The following CACNA1F variants were observed in gnomAD, a reference collection of about 807,000 sequenced individuals.
CACNA1F encodes voltage-dependent L-type calcium channel subunit alpha-1F.
Under a neutral mutation model 143.8 loss-of-function variants are expected in CACNA1F, and 59 were observed. That is an observed-to-expected ratio of 0.41 (90% CI 0.33 to 0.51). CACNA1F has a LOEUF of 0.51. Among genes scored for constraint, CACNA1F ranks in the 20% least tolerant of loss-of-function variants. The probability of loss-of-function intolerance (pLI) is 0.22; values close to 1 mark genes in which losing one functional copy is unlikely to be tolerated. For missense variants in CACNA1F, 1,411 were observed against 1,647.5 expected (o/e 0.86, Z 2.48); for synonymous variants, 643 against 649.1 (o/e 0.99, Z 0.14).
chrX:49,217,099 C>T (rs1404018624), intron 26 of CACNA1F, among the ~76,000 whole-genome samples: 1 of 111,556 alleles, frequency 9.0e-6, no homozygotes, highest in Non-Finnish European at 1.9e-5. Flanking sequence ...GCTGGGATTA[C>T]AGGTGCACAA....
chrX:49,213,636 G>C (rs1233101442), intron 31 of CACNA1F, among the ~76,000 whole-genome samples, 183 bp downstream of exon 31: 8 of 111,745 alleles, frequency 7.2e-5, no homozygotes, highest in Non-Finnish European at 7.5e-5. Context: ...AAAGCCAGTA[G>C]AGGGGGACTT....
chrX:49,208,630 G>C lies in CACNA1F; in HGVS notation c.5008C>G (p.Leu1670Val). ...ARRGSGISVSLPVGDRLPDSL... is the reference protein window; with the variant it reads ...ARRGSGISVSVPVGDRLPDSL... Reference sequence around the variant, plus strand: ...TCTGGAAGTCTGTCCCCGACAGGCAGAGACACAGAAATCCCGGAGCCCCGG... The same window carrying C: ...TCTGGAAGTCTGTCCCCGACAGGCACAGACACAGAAATCCCGGAGCCCCGG... Residue 1670 changes from leucine (L) to valine (V), a missense_variant, in exon 43 of 48, where the codon CTG (leucine) becomes GTG (valine). Around this residue, in one of 3 missense-constraint regions of CACNA1F, gnomAD observed 349 missense variants for 350.2 expected, o/e 1.00. Transcript: ENST00000323022. 8.3e-7 allele frequency: 1 copy of C among 1,211,168 alleles called. No homozygotes were observed. Among genetic ancestry groups the C allele is most frequent in the Non-Finnish European group, 1.1e-6 (1 of 895,222 alleles).
chrX:49,227,684 T>C (rs1340844582), intron 8 of CACNA1F, among the ~76,000 whole-genome samples: 1 of 112,454 alleles, frequency 8.9e-6, no homozygotes, highest in Non-Finnish European at 1.9e-5. Flanking sequence ...GACATCCCTA[T>C]TTATAATCAC....
intron 37 of CACNA1F, 127 bp from the exon 38 acceptor site, chrX:49,210,813 C>T: frequency 1.2e-6 from 1 of 843,333 alleles, no homozygotes; most frequent in Non-Finnish European, 1.7e-6. Flanking sequence ...AACTGGAGGG[C>T]AGTCAGAGAG....
At chrX:49,208,784 C>T (rs1557105535) in intron 42 of CACNA1F, 100 bp from the exon 43 acceptor site, 10 of 657,847 alleles carry the variant, frequency 1.5e-5, no homozygotes, top group Non-Finnish European at 2.5e-5. Flanking sequence ...GTGGGCCTTG[C>T]CCTCCAACAG....
intron 6 of CACNA1F, among the ~76,000 whole-genome samples, chrX:49,229,875 C>T (rs1415779225): frequency 2.7e-5 from 3 of 111,108 alleles, no homozygotes; most frequent in Admixed American, 1.9e-4. Context: ...TGGTCTCGAT[C>T]TCCTGACCTC....
At position 49,228,092 on chromosome X, in the gene CACNA1F, G is replaced by GC; in HGVS notation, c.1061dup (p.Ser354ArgfsTer70). 1 of 1,210,899 alleles carries GC rather than the reference G, an allele frequency of 8.3e-7. No individual in the cohort carries two copies. The highest frequency in any genetic ancestry group is 1.1e-6 in the Non-Finnish European group (1 of 894,743). ...CGAAGAAGGACCCAAAGATGACAAG[G>GC]CTCACAAAGTACACCCAGGGCAGTT... On this transcript the variant is annotated frameshift_variant, in exon 8 of 48. Coordinates refer to ENST00000323022, the MANE Select transcript of CACNA1F (RefSeq NM_001256789.3). LOFTEE classifies it high-confidence loss of function.
chrX:49,211,496 A>G lies in CACNA1F; in HGVS notation c.4101-15T>C. 1.7e-6 allele frequency: 2 copies of G among 1,198,471 alleles called. No homozygotes were observed. The highest frequency in any genetic ancestry group is 2.3e-6 in the Non-Finnish European group (2 of 883,354). On this transcript the variant is annotated splice_polypyrimidine_tract_variant and intron_variant, in intron 35 of 47. Coordinates refer to ENST00000323022, the MANE Select transcript of CACNA1F (RefSeq NM_001256789.3). ...CAGTGGCACACCTGGTGGGAGTCAC[A>G]CAGGGGTAGCATCCTGAAGGGGAGG...
At chrX:49,217,479 AC>A (rs1467705542) in intron 26 of CACNA1F, among the ~76,000 whole-genome samples, 1 of 110,890 alleles carries the variant, frequency 9.0e-6, no homozygotes, top group African/African-American at 3.3e-5. Flanking sequence ...TTTAGCTACT[AC>A]CCTCTACAGG....
chrX:49,210,053 G>A lies in CACNA1F; in HGVS notation c.4589-11C>T. 1.8e-6 allele frequency: 2 copies of A among 1,139,653 alleles called. No homozygotes were observed. The highest frequency in any genetic ancestry group is 2.4e-6 in the Non-Finnish European group (2 of 829,539). The allele number at this position is 1,139,653 out of a possible 1,213,427, so 93.9% of individuals were successfully genotyped here. On this transcript the variant is annotated splice_polypyrimidine_tract_variant and intron_variant, in intron 39 of 47. Transcript: ENST00000323022. ...CTTGCTCCAGGTTCCCTGCGTTGGAGGAGGATGTGGGGCATGAGCCAATAG... is the reference window on the plus strand; with the variant it reads ...CTTGCTCCAGGTTCCCTGCGTTGGAAGAGGATGTGGGGCATGAGCCAATAG...
At position 49,231,908 on chromosome X, in the gene CACNA1F, A is replaced by G; in HGVS notation, c.45T>C (p.Ser15=). ...EGGKDTTPEP[S]PANGAGPGPE... is the part of the protein sequence containing the mutation. ...GACCAGGGCCTGCCCCATTGGCTGG[A>G]CTGGGCTCTGGGGTGGTGTCTATAT... The change falls in exon 2 of 48, where the codon AGT becomes AGC. Residue 15 remains serine, a synonymous_variant. Coordinates refer to ENST00000323022, the MANE Select transcript of CACNA1F (RefSeq NM_001256789.3). 8.5e-7 allele frequency: 1 copy of G among 1,178,083 alleles called. No homozygotes were observed. Among genetic ancestry groups the G allele is most frequent in the Non-Finnish European group, 1.1e-6 (1 of 878,732 alleles).
rs2056144149 is a variant in CACNA1F at position 49,218,919 on chromosome X, G to A, written c.2696C>T (p.Ala899Val). Residue 899 changes from alanine to valine, a missense_variant, in exon 22 of 48, where the codon GCC (alanine) becomes GTC (valine). Ala to Val is a moderately conservative substitution (Grantham distance 64). Around this residue, in one of 3 missense-constraint regions of CACNA1F, gnomAD observed 950 missense variants for 1,128.1 expected, o/e 0.84. Coordinates refer to ENST00000323022, the MANE Select transcript of CACNA1F (RefSeq NM_001256789.3). The stretch of plus-strand genomic sequence containing the variant: ...CTCCACAGTGAAAATGGAGGTGAAG[G>A]CATAATCGAAGTAACCCAGAATCTG... ...RNHILGYFDY[A>V]FTSIFTVEIL... is the part of the protein sequence containing the mutation. 1.7e-6 allele frequency: 2 copies of A among 1,204,190 alleles called. No individual in the cohort carries two copies. Among genetic ancestry groups the A allele is most frequent in the South Asian group, 3.6e-5 (2 of 56,208 alleles).
intron 9 of CACNA1F, 120 bp from the exon 10 acceptor site, chrX:49,226,822 G>T: frequency 1.0e-6 from 1 of 1,004,781 alleles, no homozygotes; most frequent in Non-Finnish European, 1.4e-6. Flanking sequence ...TCTGCATTTT[G>T]AGCCATAACT....
chrX:49,215,598 C>T (rs2065707243), intron 27 of CACNA1F, 55 bp from the exon 28 acceptor site: 3 of 778,249 alleles, frequency 3.9e-6, no homozygotes, highest in South Asian at 2.4e-5. Context: ...ATATCCCAGC[C>T]CCCTCAGACC....
In CACNA1F at chrX:49,226,236, T is replaced by C. The variant is rs1191430862; in HGVS notation, c.1471A>G (p.Ile491Val). Residue 491 changes from isoleucine to valine, a missense_variant, in exon 12 of 48, where the codon ATC (isoleucine) becomes GTC (valine). Coordinates refer to ENST00000323022, the MANE Select transcript of CACNA1F (RefSeq NM_001256789.3). The stretch of plus-strand genomic sequence containing the variant: ...ACTCACCAGACTCTGGTTTTCATGA[T>C]CTTGTTTCTGAAAAAGAAGGGGGAT... The part of the protein sequence containing the change: ...LASCTRCLNK[I>V]MKTRVCRRLR... 2 of 1,206,265 alleles carry C rather than the reference T, an allele frequency of 1.7e-6. No individual in the cohort carries two copies. The highest frequency in any genetic ancestry group is 2.2e-6 in the Non-Finnish European group (2 of 891,806).
intron 26 of CACNA1F, among the ~76,000 whole-genome samples, chrX:49,217,452 A>G (rs1290716514): frequency 1.8e-5 from 2 of 112,065 alleles, no homozygotes; most frequent in East Asian, 2.8e-4. Context: ...GTAATGTCTG[A>G]CTTCACAGCC....
At position 49,231,003 on chromosome X, in the gene CACNA1F, C is replaced by CCG; in HGVS notation, c.382-15_382-14insCG. ...CTCCACCTGCTCCTGGGGGTGGGACCGGGGGGCGGGTCGGGAAGTCGAGGA... is the reference window on the plus strand; with the variant it reads ...CTCCACCTGCTCCTGGGGGTGGGACCCGGGGGGGCGGGTCGGGAAGTCGAGGA... On this transcript the variant is annotated splice_polypyrimidine_tract_variant and intron_variant, in intron 3 of 47. Coordinates refer to ENST00000323022, the MANE Select transcript of CACNA1F (RefSeq NM_001256789.3). The CCG allele has an allele frequency of 3.9e-5, 20 of 515,326 alleles. No individual in the cohort carries two copies. Among genetic ancestry groups the CCG allele is most frequent in the Non-Finnish European group, 5.0e-5 (18 of 356,646 alleles). The allele number at this position is 515,326 out of a possible 1,213,427, so 42.5% of individuals were successfully genotyped here. A position where few individuals can be genotyped will look rare whatever the true frequency, so the allele number is the denominator to read the frequency against.
intron 17 of CACNA1F, among the ~76,000 whole-genome samples, chrX:49,221,810 T>C (rs1163057495): frequency 9.3e-6 from 1 of 107,486 alleles, no homozygotes; most frequent in Non-Finnish European, 1.9e-5. Flanking sequence ...TGAAACCCCA[T>C]CTCTACTAAA....
chrX:49,228,208 G>A, intron 7 of CACNA1F, 43 bp downstream of exon 7: 7 of 1,193,472 alleles, frequency 5.9e-6, no homozygotes, highest in Non-Finnish European at 6.8e-6. Context: ...AGGGAGGAAA[G>A]GCAGGTGCAG....
Sources: gnomAD v4.1 joint callset for allele counts (sites outside exome capture counted in the v4.1 genomes callset) on GRCh38, gnomAD v4.1.1 for gene constraint, gnomAD v4.1.1 regional missense constraint, MANE v1.5 for transcripts, NCBI Gene and HGNC (gene_info 2026-07-23, HGNC 2026-07-21) for gene names.